The following SH3GL2 variants were observed in gnomAD, a reference collection of about 807,000 sequenced individuals.
The protein encoded by SH3GL2 is SH3 domain containing GRB2 like 2, endophilin A1, also known as endophilin-A1.
Under a neutral mutation model 46.0 loss-of-function variants are expected in SH3GL2, and 24 were observed. That is an observed-to-expected ratio of 0.52 (90% CI 0.38 to 0.73). The LOEUF is 0.73. Among genes scored for constraint, SH3GL2 ranks in the 30% least tolerant of loss-of-function variants. SH3GL2 has a pLI of 0.00. For synonymous variants in SH3GL2, 196 were observed against 147.1 expected (o/e 1.33, Z -2.40); for missense variants, 413 against 424.2 (o/e 0.97, Z 0.23).
At chr9:17,666,453 A>G (rs540144055) in intron 1 of SH3GL2, among the ~76,000 whole-genome samples, 7 of 151,826 alleles carry the variant, frequency 4.6e-5, no homozygotes, top group African/African-American at 1.7e-4. Flanking sequence ...AACTGGTATC[A>G]TTAGTTTTTG....
intron 1 of SH3GL2, among the ~76,000 whole-genome samples, chr9:17,586,233 C>G (rs1326582911): frequency 6.6e-6 from 1 of 152,124 alleles, no homozygotes; most frequent in Non-Finnish European, 1.5e-5. Flanking sequence ...CCGCCATCCC[C>G]TGGGTCAAAT....
At chr9:17,706,763 C>A (rs934576161) in intron 1 of SH3GL2, among the ~76,000 whole-genome samples, 2 of 151,922 alleles carry the variant, frequency 1.3e-5, no homozygotes, top group Non-Finnish European at 2.9e-5. Context: ...TTGCAGGTCC[C>A]TCTATTCCTG....
chr9:17,659,199 C>T (rs1227736177), intron 1 of SH3GL2, among the ~76,000 whole-genome samples: 1 of 152,168 alleles, frequency 6.6e-6, no homozygotes, highest in African/African-American at 2.4e-5. Flanking sequence ...CCTGTATTTA[C>T]ACTGGGATCC....
chr9:17,779,382 G>A (rs1428747274), intron 3 of SH3GL2, among the ~76,000 whole-genome samples: 2 of 152,164 alleles, frequency 1.3e-5, no homozygotes, highest in African/African-American at 4.8e-5. Context: ...ATGGGAAAGA[G>A]AATGGGTTTG....
At chr9:17,739,398 C>A (rs566037724) in intron 1 of SH3GL2, among the ~76,000 whole-genome samples, 1 of 151,874 alleles carries the variant, frequency 6.6e-6, no homozygotes, top group Non-Finnish European at 1.5e-5. Flanking sequence ...AATCTGACCT[C>A]AAGTCTTAGA....
At chr9:17,624,506 G>A (rs10963166) in intron 1 of SH3GL2, among the ~76,000 whole-genome samples, 24,298 of 131,506 alleles carry the variant, frequency 0.18, 2,358 homozygotes, top group East Asian at 0.42. Flanking sequence ...TCTGCTCTAA[G>A]CAAGAGTCTC....
chr9:17,638,155 T>TTA (rs1468598620), intron 1 of SH3GL2, among the ~76,000 whole-genome samples: 2 of 116,530 alleles, frequency 1.7e-5, no homozygotes, highest in East Asian at 6.2e-4. Context: ...AGACTCCCTC[T>TTA]CAAAAAAAAA....
rs368312243 is a variant in SH3GL2, at chr9:17,606,386, C to G, written c.45+27099C>G. Among the ~76,000 whole-genome samples, 23 of 152,252 alleles carry G rather than the reference C, an allele frequency of 1.5e-4. 1 individual carries two copies. The South Asian group carries it at 3.5e-3, about 23-fold the overall frequency. ...GATTACAGGCGTAAGCCACCATGCC[C>G]GCTCAGACCCCACAACTCCCAAGGC... On this transcript the variant is annotated intron_variant, in intron 1 of 8. Transcript: ENST00000380607.
chr9:17,775,336 C>T (rs1468021089), intron 3 of SH3GL2, among the ~76,000 whole-genome samples: 4 of 151,948 alleles, frequency 2.6e-5, no homozygotes, highest in African/African-American at 4.8e-5. Flanking sequence ...ACGAAATAGC[C>T]GTCAACTGTA....
chr9:17,586,778 A>G (rs565239764), intron 1 of SH3GL2, among the ~76,000 whole-genome samples: 1 of 152,264 alleles, frequency 6.6e-6, no homozygotes, highest in South Asian at 2.1e-4. Context: ...ATTACCTCCC[A>G]CCAGGTCCCT....
chr9:17,688,454 C>T (rs2118107390), intron 1 of SH3GL2, among the ~76,000 whole-genome samples: 1 of 152,038 alleles, frequency 6.6e-6, no homozygotes, highest in South Asian at 2.1e-4. Context: ...CAGGAGAAGA[C>T]AAACGAAAAT....
intron 2 of SH3GL2, among the ~76,000 whole-genome samples, chr9:17,759,142 G>C (rs962941801): frequency 3.3e-5 from 5 of 152,106 alleles, no homozygotes; most frequent in African/African-American, 1.2e-4. Flanking sequence ...ACCTCCCTGT[G>C]GGCCAGGTGG....
At chr9:17,759,792 C>T (rs1356938065) in intron 2 of SH3GL2, among the ~76,000 whole-genome samples, 3 of 152,052 alleles carry the variant, frequency 2.0e-5, no homozygotes, top group African/African-American at 7.2e-5. Flanking sequence ...TTTTTAGAAA[C>T]CTTGGCTTTT....
intron 1 of SH3GL2, among the ~76,000 whole-genome samples, chr9:17,649,197 C>G (rs182213980): frequency 1.9e-3 from 295 of 152,304 alleles, no homozygotes; most frequent in Non-Finnish European, 3.3e-3. Context: ...TCCTGAGTAG[C>G]TGGAATTACA....
At chr9:17,611,884 A>G (rs1445077609) in intron 1 of SH3GL2, among the ~76,000 whole-genome samples, 1 of 151,496 alleles carries the variant, frequency 6.6e-6, no homozygotes, top group Non-Finnish European at 1.5e-5. Context: ...TCGTAATGAC[A>G]ACTTGCCTAT....
intron 5 of SH3GL2, among the ~76,000 whole-genome samples, chr9:17,789,112 C>A (rs1229400177): frequency 6.6e-6 from 1 of 152,150 alleles, no homozygotes; most frequent in East Asian, 1.9e-4. Flanking sequence ...AAGGCTTAGT[C>A]CAGCTTGGCT....
intron 1 of SH3GL2, among the ~76,000 whole-genome samples, chr9:17,695,628 C>T (rs1821183924): frequency 6.6e-6 from 1 of 152,008 alleles, no homozygotes; most frequent in African/African-American, 2.4e-5. Context: ...TGTAAAAAGC[C>T]CTTTCTGTAT....
intron 1 of SH3GL2, among the ~76,000 whole-genome samples, chr9:17,681,004 G>C (rs182035459): frequency 6.6e-6 from 1 of 151,994 alleles, no homozygotes; most frequent in Non-Finnish European, 1.5e-5. Context: ...ACAGTTTGTT[G>C]TAATTTCTGT....
chr9:17,783,442 A>G (rs1483916265), intron 3 of SH3GL2, among the ~76,000 whole-genome samples: 1 of 151,252 alleles, frequency 6.6e-6, no homozygotes, highest in African/African-American at 2.4e-5. Context: ...CACTGCTTTT[A>G]GGTCAGAGGA....
Sources: gnomAD v4.1 joint callset for allele counts (sites outside exome capture counted in the v4.1 genomes callset) on GRCh38, gnomAD v4.1.1 for gene constraint, MANE v1.5 for transcripts, NCBI Gene and HGNC (gene_info 2026-07-23, HGNC 2026-07-21) for gene names.